CDH26: variants seen among roughly 807,000 people sequenced by gnomAD.
CDH26 encodes cadherin 26.
In CDH26, 83 loss-of-function variants were observed where a neutral mutation model predicts 90.3. The observed-to-expected ratio is 0.92, with a 90% CI of 0.77 to 1.10. The LOEUF (loss-of-function observed/expected upper bound fraction) is 1.10. Ranked by LOEUF, CDH26 falls within the 50% of genes least tolerant of loss-of-function variation. The pLI is 0.00. For synonymous variants in CDH26, 397 were observed against 396.3 expected (o/e 1.00, Z -0.02); for missense variants, 1,013 against 1,037.6 (o/e 0.98, Z 0.33).
chr20:59,986,915 G>T (rs953455454), intron 7 of CDH26, among the ~76,000 whole-genome samples: 3 of 151,976 alleles, frequency 2.0e-5, no homozygotes, highest in African/African-American at 7.3e-5. Flanking sequence ...TTCCTGGCTT[G>T]GTAAAAAGCA....
intron 4 of CDH26, among the ~76,000 whole-genome samples, chr20:59,982,065 T>G (rs1347487454): frequency 6.6e-6 from 1 of 152,218 alleles, no homozygotes; most frequent in Non-Finnish European, 1.5e-5. Context: ...TTGGTCATAC[T>G]AGTCCTTATT....
At chr20:60,005,481 TATG>T (rs2061735580) in intron 16 of CDH26, among the ~76,000 whole-genome samples, 5 of 140,232 alleles carry the variant, frequency 3.6e-5, no homozygotes, top group African/African-American at 1.3e-4. Flanking sequence ...TATATATCTG[TATG>T]TATGTATGTA....
Position 59,984,624 on chromosome 20 carries a change from A to C in CDH26, c.542-15A>C. 3 of 1,600,880 alleles carry C rather than the reference A, an allele frequency of 1.9e-6. No homozygotes were observed. Among genetic ancestry groups the C allele is most frequent in the Non-Finnish European group, 2.6e-6 (3 of 1,175,394 alleles). The stretch of plus-strand genomic sequence containing the variant: ...CCTTTATCTGATAGTAACAATTTTT[A>C]AAAATTCTTTCTAGGGCAACCTATT... On this transcript the variant is annotated splice_polypyrimidine_tract_variant and intron_variant, in intron 5 of 17. Transcript: ENST00000348616.
In CDH26 at chr20:59,987,630, G is replaced by A. The variant is rs375794584; in HGVS notation, c.1015G>A (p.Val339Ile). Residue 339 changes from valine (V) to isoleucine (I), a missense_variant, in exon 8 of 18, where the codon GTT becomes ATT. By Grantham distance (29) the Val-to-Ile change is conservative. Transcript: ENST00000348616. ...DPETNEGILN[V>I]IKPLDYETRP... ...TGAGACCAACGAAGGGATATTAAAT[G>A]TTATCAAGGTAACACCATACCGGTG... The A allele has an allele frequency of 5.6e-6, 9 of 1,611,110 alleles. No individual in the cohort carries two copies. The East Asian group carries it at 6.7e-5, about 12-fold the overall frequency.
At chr20:59,984,154 T>A (rs1362313760) in intron 5 of CDH26, among the ~76,000 whole-genome samples, 1 of 152,220 alleles carries the variant, frequency 6.6e-6, no homozygotes, top group East Asian at 1.9e-4. Flanking sequence ...TGGTGTGTTG[T>A]TGGTCTTTGA....
At chr20:60,020,967 G>A (rs2061947317) in intron 7 of CDH26, among the ~76,000 whole-genome samples, 1 of 152,138 alleles carries the variant, frequency 6.6e-6, no homozygotes, top group African/African-American at 2.4e-5. Context: ...TCAGATCCAG[G>A]CAGGGGAGAT....
intron 1 of CDH26, among the ~76,000 whole-genome samples, chr20:59,967,918 C>CTTT (rs2061186810): frequency 1.5e-5 from 2 of 132,944 alleles, no homozygotes; most frequent in African/African-American, 6.1e-5. Flanking sequence ...CCTTTCCTTT[C>CTTT]CTTTCCTTTC....
chr20:59,992,293 C>A lies in CDH26; in HGVS notation c.1284-85C>A. On this transcript the variant is annotated intron_variant, in intron 9 of 17. Transcript: ENST00000348616. This position sits in a 1 kb window ranked among gnomAD's most constrained non-coding sequence, Gnocchi z 5.0. The stretch of plus-strand genomic sequence containing the variant: ...TGTGGTAGAAATAGTGTTTCTATGA[C>A]ATATTTTGTTTTTTTATGCAACTTT... 1.6e-6 allele frequency: 2 copies of A among 1,234,454 alleles called. No homozygotes were observed. The highest frequency in any genetic ancestry group is 2.3e-6 in the Non-Finnish European group (2 of 877,566). 76.5% of individuals were successfully genotyped at this position (1,234,454 alleles called of 1,614,324 possible).
intron 17 of CDH26, 78 bp downstream of exon 17, chr20:60,006,865 C>A: frequency 9.6e-7 from 1 of 1,046,620 alleles, no homozygotes; most frequent in Non-Finnish European, 1.5e-6. Context: ...GATTTGGGGA[C>A]ACTTCCTCCT....
In CDH26 at chr20:59,988,982, A is replaced by C. The variant is rs748223077; in HGVS notation, c.1102A>C (p.Arg368=). The C allele has an allele frequency of 1.2e-6, 2 of 1,614,132 alleles. No individual in the cohort carries two copies. The highest frequency in any genetic ancestry group is 3.3e-5 in the Admixed American group (2 of 60,018). The change falls in exon 9 of 18, where the codon AGA becomes CGA. Residue 368 remains arginine (R), a synonymous_variant. Transcript: ENST00000348616. The part of the protein sequence containing the change: ...ENEERLVFCE[R]GKLQPPRKAA... ...TGAGGAGAGGCTCGTCTTCTGTGAG[A>C]GAGGAAAGCTTCAGCCGCCAAGGAA...
chr20:60,027,156 A>G (rs1434306176), intron 7 of CDH26, among the ~76,000 whole-genome samples: 1 of 152,052 alleles, frequency 6.6e-6, no homozygotes, highest in Admixed American at 6.5e-5. Flanking sequence ...AGTAGTGCTG[A>G]TGTGATCACA....
intron 4 of CDH26, among the ~76,000 whole-genome samples, chr20:59,978,576 G>A (rs959909533): frequency 1.3e-5 from 2 of 152,022 alleles, no homozygotes; most frequent in Middle Eastern, 3.4e-3. Flanking sequence ...GTTTCACTAC[G>A]TTGGCCAGGC....
At chr20:60,021,916 A>ATATATATATATATGTATC in intron 7 of CDH26, among the ~76,000 whole-genome samples, 1 of 96,072 alleles carries the variant, frequency 1.0e-5, no homozygotes, top group African/African-American at 3.2e-5. Context: ...ATATATATAT[A>ATATATATATATATGTATC]TCCTGACTAT....
At position 60,025,060 on chromosome 20, in the gene CDH26, G is replaced by A. The variant is rs576446070; in HGVS notation, c.948-6171G>A. 9.8e-5 allele frequency among the ~76,000 whole-genome samples: 15 copies of A among 152,316 alleles called. No homozygotes were observed. The South Asian group carries it at 2.9e-3, about 29-fold the overall frequency. On this transcript the variant is annotated intron_variant, in intron 7 of 8. Coordinates refer to the CDH26 transcript ENST00000370991. Reference sequence around the variant, plus strand: ...GGCATCCACAGTGGAATCCTGTGTTGGAAGGAGCCAGAGTCCCTCACACTG... The same window carrying A: ...GGCATCCACAGTGGAATCCTGTGTTAGAAGGAGCCAGAGTCCCTCACACTG...
intron 7 of CDH26, among the ~76,000 whole-genome samples, chr20:60,026,452 G>A (rs925592878): frequency 6.6e-6 from 1 of 151,926 alleles, no homozygotes; most frequent in South Asian, 2.1e-4. Flanking sequence ...GAAGGGAGGT[G>A]AGGCAGAAGG....
intron 3 of CDH26, among the ~76,000 whole-genome samples, chr20:59,971,155 C>T (rs1311053699): frequency 6.6e-6 from 1 of 152,122 alleles, no homozygotes; most frequent in African/African-American, 2.4e-5. Context: ...ATAGCTGTGG[C>T]ATTCTATGAT....
chr20:60,035,741 A>G (rs2062077576), downstream of CDH26, among the ~76,000 whole-genome samples: 1 of 152,136 alleles, frequency 6.6e-6, no homozygotes, highest in African/African-American at 2.4e-5. Flanking sequence ...TGTTCTTATG[A>G]TAATGAGTGA....
intron 1 of CDH26, among the ~76,000 whole-genome samples, chr20:59,967,734 T>C (rs201001983): frequency 4.1e-5 from 6 of 147,512 alleles, no homozygotes; most frequent in African/African-American, 1.6e-4. Context: ...TCTTTCTTTC[T>C]TTCCTTCCTC....
chr20:59,982,267 C>T (rs2061403687), intron 4 of CDH26, among the ~76,000 whole-genome samples: 1 of 152,108 alleles, frequency 6.6e-6, no homozygotes, highest in Non-Finnish European at 1.5e-5. Flanking sequence ...TGTTGTTTTC[C>T]ATTTTATTGA....
Sources: allele counts gnomAD v4.1 joint callset (sites outside exome capture counted in the v4.1 genomes callset), GRCh38; gene constraint gnomAD v4.1.1; non-coding constraint Gnocchi (gnomAD v3.1); transcripts MANE v1.5; gene names NCBI Gene and HGNC (gene_info 2026-07-23, HGNC 2026-07-21).